The following ME3 variants were observed in gnomAD, a reference collection of about 807,000 sequenced individuals.
ME3 encodes the protein NADP-dependent malic enzyme, mitochondrial.
In ME3, 48 loss-of-function variants were observed where a neutral mutation model predicts 68.9. The ratio of observed to expected loss-of-function variants is 0.70; its 90% confidence interval spans 0.55 to 0.89. The LOEUF (loss-of-function observed/expected upper bound fraction) is 0.89, where lower values mean the gene tolerates loss of function less well. Ranked by LOEUF, ME3 falls within the 40% of genes least tolerant of loss-of-function variation. The probability of loss-of-function intolerance (pLI) is 0.00; values close to 1 mark genes in which losing one functional copy is unlikely to be tolerated. For missense variants in ME3, 675 were observed against 797.4 expected, an observed-to-expected ratio of 0.85 and a Z score of 1.85; for synonymous variants, 320 against 318.8, an observed-to-expected ratio of 1.00 and a Z score of -0.04.
intron 6 of ME3, among the ~76,000 whole-genome samples, chr11:86,495,657 T>C (rs1171232540): frequency 6.6e-6 from 1 of 152,174 alleles, no homozygotes; most frequent in African/African-American, 2.4e-5. Flanking sequence ...GATATCTGGC[T>C]GGGGGAAGGG....
At chr11:86,491,739 A>G (rs2138967399) in intron 6 of ME3, among the ~76,000 whole-genome samples, 1 of 152,366 alleles carries the variant, frequency 6.6e-6, no homozygotes, top group Admixed American at 6.5e-5. Flanking sequence ...AGAAGATTTC[A>G]GCAGACAGTA....
intron 3 of ME3, among the ~76,000 whole-genome samples, chr11:86,558,481 G>A (rs1957040867): frequency 1.3e-5 from 2 of 152,240 alleles, no homozygotes; most frequent in East Asian, 1.9e-4. Context: ...ATGAGCAGAG[G>A]CTTCTGTGCT....
chr11:86,441,529 C>T (rs1948997237), intron 14 of ME3, 89 bp from the exon 15 acceptor site: 2 of 1,286,482 alleles, frequency 1.6e-6, no homozygotes, highest in East Asian at 2.4e-5. Context: ...GAGGGGAATA[C>T]ACCTTAAGGA....
At chr11:86,557,548 C>T (rs1228155305) in intron 3 of ME3, among the ~76,000 whole-genome samples, 1 of 152,164 alleles carries the variant, frequency 6.6e-6, no homozygotes, top group African/African-American at 2.4e-5. Context: ...CATCAGGATC[C>T]TATGTTTGAA....
At chr11:86,657,064 T>A (rs10792871) in intron 2 of ME3, among the ~76,000 whole-genome samples, 1 of 152,112 alleles carries the variant, frequency 6.6e-6, no homozygotes, top group Admixed American at 6.5e-5. Flanking sequence ...GTGTGGGGAT[T>A]CCTCAAGGAT....
At chr11:86,571,505 A>G (rs1957788554) in intron 2 of ME3, among the ~76,000 whole-genome samples, 1 of 152,264 alleles carries the variant, frequency 6.6e-6, no homozygotes, top group African/African-American at 2.4e-5. Flanking sequence ...ACTTACCACC[A>G]CACTGTGGCT....
exon 4 of ME3, chr11:86,556,605 G>A (rs375443409): frequency 2.0e-5 from 33 of 1,614,026 alleles, no homozygotes; most frequent in Non-Finnish European, 2.5e-5. Flanking sequence ...CCCACGGTAG[G>A]CGTGTACACG....
chr11:86,650,930 G>C (rs1169744657), intron 2 of ME3, among the ~76,000 whole-genome samples: 1 of 152,198 alleles, frequency 6.6e-6, no homozygotes, highest in Non-Finnish European at 1.5e-5. Flanking sequence ...TTAGCCAACG[G>C]CACACCAGGA....
exon 4 of ME3, chr11:86,556,681 G>T: frequency 6.2e-7 from 1 of 1,614,126 alleles, no homozygotes; most frequent in Non-Finnish European, 8.5e-7. Flanking sequence ...TCCGGTCTTG[G>T]AGTGTCATGA....
At chr11:86,664,949 C>A (rs939849087) in intron 2 of ME3, among the ~76,000 whole-genome samples, 7 of 152,164 alleles carry the variant, frequency 4.6e-5, no homozygotes, top group African/African-American at 7.2e-5. Context: ...ACCCAAAGGG[C>A]TGATGTAAGA....
chr11:86,626,830 T>C (rs1465489277), intron 2 of ME3, among the ~76,000 whole-genome samples: 1 of 152,260 alleles, frequency 6.6e-6, no homozygotes, highest in East Asian at 1.9e-4. Flanking sequence ...TTTTTTCTTC[T>C]GTCACCTAGC....
At chr11:86,447,129 A>G (rs755851977) in exon 12 of ME3, 4 of 1,614,172 alleles carry the variant, frequency 2.5e-6, no homozygotes, top group Non-Finnish European at 3.4e-6. Flanking sequence ...GCTCAGGGCA[A>G]AGATGATAGG....
At chr11:86,656,821 C>T (rs1325445694) in intron 2 of ME3, among the ~76,000 whole-genome samples, 1 of 151,256 alleles carries the variant, frequency 6.6e-6, no homozygotes, top group Non-Finnish European at 1.5e-5. Context: ...ACAGACACTT[C>T]TCTAAAGAAG....
intron 2 of ME3, among the ~76,000 whole-genome samples, chr11:86,580,479 T>C (rs191497284): frequency 2.0e-4 from 31 of 152,340 alleles, no homozygotes; most frequent in African/African-American, 5.1e-4. Flanking sequence ...TGGGTCATCA[T>C]TGAATAGTAT....
chr11:86,452,776 C>T (rs753013524), intron 8 of ME3, among the ~76,000 whole-genome samples: 39 of 152,104 alleles, frequency 2.6e-4, no homozygotes, highest in Non-Finnish European at 5.3e-4. Flanking sequence ...AGGTTAATTC[C>T]ACATGTTAGT....
chr11:86,438,702 TC>T (rs1948910866), downstream of ME3, among the ~76,000 whole-genome samples: 1 of 152,156 alleles, frequency 6.6e-6, no homozygotes, highest in Non-Finnish European at 1.5e-5. Context: ...TTGTTTGCTT[TC>T]CCCCACCCCC....
At chr11:86,639,639 C>G (rs892009138) in intron 2 of ME3, among the ~76,000 whole-genome samples, 1 of 152,196 alleles carries the variant, frequency 6.6e-6, no homozygotes, top group Non-Finnish European at 1.5e-5. Context: ...GAGAAAATCA[C>G]TCATAAACTC....
intron 10 of ME3, among the ~76,000 whole-genome samples, chr11:86,448,803 C>T (rs1453672664): frequency 6.6e-6 from 1 of 152,232 alleles, no homozygotes; most frequent in Non-Finnish European, 1.5e-5. Context: ...AGGTGACAGG[C>T]TGGCATAAGT....
At chr11:86,623,799 C>G (rs1239706554) in intron 2 of ME3, among the ~76,000 whole-genome samples, 2 of 152,196 alleles carry the variant, frequency 1.3e-5, no homozygotes, top group African/African-American at 2.4e-5. Flanking sequence ...GAAATGTTCT[C>G]TGTGTGCCCA....
Sources: allele counts gnomAD v4.1 joint callset (sites outside exome capture counted in the v4.1 genomes callset), GRCh38; gene constraint gnomAD v4.1.1; transcripts MANE v1.5; gene names NCBI Gene and HGNC (gene_info 2026-07-23, HGNC 2026-07-21).